ARHGAP33: variants seen among roughly 807,000 people sequenced by gnomAD.
The protein encoded by ARHGAP33 is Rho GTPase activating protein 33, also known as rho GTPase-activating protein 33.
In ARHGAP33, 57 loss-of-function variants were observed where a neutral mutation model predicts 126.2. That is an observed-to-expected ratio of 0.45 (90% CI 0.36 to 0.56). The LOEUF (loss-of-function observed/expected upper bound fraction) is 0.56. Ranked by LOEUF, ARHGAP33 falls within the 20% of genes least tolerant of loss-of-function variation. The probability of loss-of-function intolerance (pLI) is 0.00; values close to 1 mark genes in which losing one functional copy is unlikely to be tolerated. For synonymous variants in ARHGAP33, 711 were observed against 755.0 expected, an observed-to-expected ratio of 0.94 and a Z score of 0.95; for missense variants, 1,500 against 1,748.3, an observed-to-expected ratio of 0.86 and a Z score of 2.53.
Position 35,786,737 on chromosome 19 carries a change from C to T in ARHGAP33, c.2267C>T (p.Ala756Val), listed in dbSNP as rs1832766123. The stretch of plus-strand genomic sequence containing the variant: ...AGCAGCCCCACCCCAGGGGATCCCG[C>T]ACCTCCCGCCAGCCCAGCACCCCCC... ...RCSSPTPGDPAPPASPAPPAP... is the reference protein window; with the variant it reads ...RCSSPTPGDPVPPASPAPPAP... Residue 756 changes from alanine (A) to valine (V), a missense_variant, in exon 20 of 21, where the codon GCA becomes GTA. Around this residue, in one of 6 missense-constraint regions of ARHGAP33, gnomAD observed 73 missense variants for 110.8 expected, o/e 0.66. Coordinates refer to ENST00000007510, the MANE Select transcript of ARHGAP33 (RefSeq NM_001366178.1). This position sits in a 1 kb window ranked among gnomAD's most constrained non-coding sequence, Gnocchi z 7.0. The T allele has an allele frequency of 1.3e-6, 2 of 1,526,492 alleles. No homozygotes were observed. Among genetic ancestry groups the T allele is most frequent in the Non-Finnish European group, 1.8e-6 (2 of 1,141,814 alleles). The allele number at this position is 1,526,492 out of a possible 1,614,324, so 94.6% of individuals were successfully genotyped here. A position where few individuals can be genotyped will look rare whatever the true frequency, so the allele number is the denominator to read the frequency against.
Position 35,786,213 on chromosome 19 carries a change from T to C in ARHGAP33, c.1943-200T>C. 7.1e-7 allele frequency: 1 copy of C among 1,416,406 alleles called. No homozygotes were observed. The highest frequency in any genetic ancestry group is 9.2e-7 in the Non-Finnish European group (1 of 1,090,190). The allele number at this position is 1,416,406 out of a possible 1,614,324, so 87.7% of individuals were successfully genotyped here. The stretch of plus-strand genomic sequence containing the variant: ...ATCTGTTGGTCTCGTGCTCACAGCC[T>C]GTGGGGCAGCCACAGGGCCTTCGTG... On this transcript the variant is annotated intron_variant, in intron 19 of 20. Coordinates refer to ENST00000007510, the MANE Select transcript of ARHGAP33 (RefSeq NM_001366178.1). The surrounding 1 kb of genome is among the most constrained non-coding windows in gnomAD (Gnocchi z 7.0).
chr19:35,781,132 G>A lies in ARHGAP33; in HGVS notation c.983-18G>A, dbSNP rs202201819. The A allele has an allele frequency of 3.7e-5, 51 of 1,380,464 alleles. No individual in the cohort carries two copies. In the Admixed American group the frequency reaches 7.5e-4, roughly 20 times the overall value. 85.5% of individuals were successfully genotyped at this position (1,380,464 alleles called of 1,614,324 possible). A position where few individuals can be genotyped will look rare whatever the true frequency, so the allele number is the denominator to read the frequency against. ...CCAGGGCTGCGGCCCACCCAGCCCT[G>A]ACCTTGCTTTCTCCCAGTGCCCCAG... On this transcript the variant is annotated intron_variant, in intron 11 of 20. Coordinates refer to ENST00000007510, the MANE Select transcript of ARHGAP33 (RefSeq NM_001366178.1).
In ARHGAP33 at chr19:35,786,149, G is replaced by T; in HGVS notation, c.1943-264G>T. 1 of 1,353,808 alleles carries T rather than the reference G, an allele frequency of 7.4e-7. No individual in the cohort carries two copies. Among genetic ancestry groups the T allele is most frequent in the East Asian group, 2.8e-5 (1 of 35,566 alleles). 83.9% of individuals were successfully genotyped at this position (1,353,808 alleles called of 1,614,324 possible). On this transcript the variant is annotated intron_variant, in intron 19 of 20. Transcript: ENST00000007510. This position sits in a 1 kb window ranked among gnomAD's most constrained non-coding sequence, Gnocchi z 7.0. ...GTACTGCCCTCCCACATACCCAGGA[G>T]CCCAGGTGCTGTCCTGCTGGCTCAG...
rs974479764 is a variant in ARHGAP33, at chr19:35,785,503, G to A, written c.1942+20G>A. ...GGGCTGGTGAGCAAGGCGGGCAATTGGGGGGCGCTACCTGTGCCCATGTGG... is the reference window on the plus strand; with the variant it reads ...GGGCTGGTGAGCAAGGCGGGCAATTAGGGGGCGCTACCTGTGCCCATGTGG... On this transcript the variant is annotated intron_variant, in intron 19 of 20. Transcript: ENST00000007510. 1 of 1,613,450 alleles carries A rather than the reference G, an allele frequency of 6.2e-7. No individual in the cohort carries two copies. Among genetic ancestry groups the A allele is most frequent in the Non-Finnish European group, 8.5e-7 (1 of 1,179,524 alleles).
At position 35,788,139 on chromosome 19, in the gene ARHGAP33, C is replaced by T. The variant is rs1972223138; in HGVS notation, c.3574C>T (p.His1192Tyr). The stretch of plus-strand genomic sequence containing the variant: ...TTCCTCCTCCTCTTCCCCTCCTGCC[C>T]ACCCCCGAAGCCGTTCAGATCCCGG... ...ASSSSSSPPA[H>Y]PRSRSDPGPP... The change falls in exon 21 of 21, where the codon CAC becomes TAC. Residue 1192 changes from histidine to tyrosine, a missense_variant. Physicochemically the swap from His to Tyr is moderately conservative, Grantham distance 83. Around this residue, in one of 6 missense-constraint regions of ARHGAP33, gnomAD observed 642 missense variants for 634.0 expected, o/e 1.01. Transcript: ENST00000007510. The T allele has an allele frequency of 6.2e-7, 1 of 1,611,210 alleles. No individual in the cohort carries two copies. Among genetic ancestry groups the T allele is most frequent in the African/African-American group, 1.3e-5 (1 of 74,616 alleles).
chr19:35,784,045 G>A (rs975482868), intron 15 of ARHGAP33, 127 bp from the exon 16 acceptor site: 4 of 716,552 alleles, frequency 5.6e-6, no homozygotes, highest in East Asian at 3.1e-5. Flanking sequence ...CCAGCGAGGC[G>A]TGATCAGTTT....
At chr19:35,784,689 A>G in intron 16 of ARHGAP33, 1 of 1,134,842 alleles carries the variant, frequency 8.8e-7, no homozygotes, top group Non-Finnish European at 1.1e-6. Context: ...AGCACGTCGG[A>G]GGGCCCTCTG....
Position 35,787,696 on chromosome 19 carries a change from T to G in ARHGAP33, c.3131T>G (p.Phe1044Cys). 1 of 1,592,922 alleles carries G rather than the reference T, an allele frequency of 6.3e-7. No homozygotes were observed. Among genetic ancestry groups the G allele is most frequent in the African/African-American group, 1.4e-5 (1 of 73,326 alleles). ...SPAPRECLPP[F>C]LGVPKPGLYP... ...GCCCCCAGGGAGTGCCTGCCACCCTTCCTCGGGGTCCCCAAGCCAGGCTTG... is the reference window on the plus strand; with the variant it reads ...GCCCCCAGGGAGTGCCTGCCACCCTGCCTCGGGGTCCCCAAGCCAGGCTTG... Residue 1044 changes from phenylalanine (F) to cysteine (C), a missense_variant, in exon 21 of 21, where the codon TTC becomes TGC. Phe to Cys is a radical substitution (Grantham distance 205). Transcript: ENST00000007510.
intron 1 of ARHGAP33, 42 bp from the exon 2 acceptor site, chr19:35,777,603 T>C: frequency 6.7e-7 from 1 of 1,495,866 alleles, no homozygotes. Context: ...GTTGTCTCTT[T>C]GCTCCCATCT....
Position 35,782,536 on chromosome 19 carries a change from G to C in ARHGAP33, c.1230+19G>C, listed in dbSNP as rs927705987. Reference sequence around the variant, plus strand: ...GTTCAGTGTGAGTAAGGGAGCTGGCGGGACGGAGGGGGCCGGGACGCCTCT... The same window carrying C: ...GTTCAGTGTGAGTAAGGGAGCTGGCCGGACGGAGGGGGCCGGGACGCCTCT... On this transcript the variant is annotated intron_variant, in intron 13 of 20. Transcript: ENST00000007510. The surrounding 1 kb of genome is among the most constrained non-coding windows in gnomAD (Gnocchi z 4.1). 5.6e-6 allele frequency: 9 copies of C among 1,613,066 alleles called. No homozygotes were observed. The highest frequency in any genetic ancestry group is 7.6e-6 in the Non-Finnish European group (9 of 1,179,412).
intron 1 of ARHGAP33, among the ~76,000 whole-genome samples, chr19:35,776,721 G>A (rs1472973762): frequency 6.6e-6 from 1 of 152,234 alleles, no homozygotes; most frequent in Admixed American, 6.5e-5. Context: ...CTCCTTCTGG[G>A]AGGCCGGTCA....
At chr19:35,785,153 C>T in intron 17 of ARHGAP33, 36 bp from the exon 18 acceptor site, 2 of 1,578,040 alleles carry the variant, frequency 1.3e-6, no homozygotes, top group South Asian at 2.3e-5. Flanking sequence ...AGGCCTGGTT[C>T]CTCAGACGGC....
rs1409904597 is a variant in ARHGAP33 at position 35,780,765 on chromosome 19, G to A, written c.778G>A (p.Gly260Ser). The stretch of plus-strand genomic sequence containing the variant: ...CATTTTTCGCCTAGCAGATGCCGAT[G>A]GCCCCCCATGTGGCATCCCGGCTCC... ...PGPGLKADADGPPCGIPAPQG... is the reference protein window; with the variant it reads ...PGPGLKADADSPPCGIPAPQG... Residue 260 changes from glycine (G) to serine (S), a missense_variant, in exon 10 of 21, where the codon GGC becomes AGC. Transcript: ENST00000007510. 1.2e-6 allele frequency: 2 copies of A among 1,613,844 alleles called. No individual in the cohort carries two copies. The highest frequency in any genetic ancestry group is 1.7e-5 in the Admixed American group (1 of 60,014).
intron 11 of ARHGAP33, 29 bp downstream of exon 11, chr19:35,781,101 G>A (rs750373026): frequency 8.8e-5 from 38 of 433,338 alleles, no homozygotes; most frequent in African/African-American, 4.6e-4. Context: ...CACCCCACCC[G>A]TCACACCAGG....
chr19:35,775,814 G>C (rs1237228993), intron 1 of ARHGAP33, 150 bp downstream of exon 1: 4 of 749,730 alleles, frequency 5.3e-6, no homozygotes, highest in Non-Finnish European at 7.9e-6. Context: ...CCCATCCCGG[G>C]TCCCAGCCCG....
Position 35,780,470 on chromosome 19 carries a change from G to A in ARHGAP33, c.674G>A (p.Ser225Asn). The A allele has an allele frequency of 1.2e-6, 2 of 1,604,228 alleles. No individual in the cohort carries two copies. Among genetic ancestry groups the A allele is most frequent in the Non-Finnish European group, 1.7e-6 (2 of 1,173,500 alleles). Residue 225 changes from serine (S) to asparagine (N), a missense_variant, in exon 8 of 21, where the codon AGC becomes AAC. Around this residue, in one of 6 missense-constraint regions of ARHGAP33, gnomAD observed 281 missense variants for 413.7 expected, o/e 0.68. Transcript: ENST00000007510. ...VIDMPPTEDR[S>N]WWRGKRGFQV... is the part of the protein sequence containing the mutation. ...GACATGCCACCCACAGAGGATCGGA[G>A]CTGGTGGCGGGGCAAGCGAGGCTTC...
rs766349583 is a variant in ARHGAP33, at chr19:35,780,904, C to T, written c.830-16C>T. On this transcript the variant is annotated splice_polypyrimidine_tract_variant and intron_variant, in intron 10 of 20. Transcript: ENST00000007510. ...CCACAAGACCTGCCTTTGCCCTTTG[C>T]CCCTTGCCCCCACAGCTGTGCCACG... 3.7e-6 allele frequency: 6 copies of T among 1,610,312 alleles called. No homozygotes were observed. Among genetic ancestry groups the T allele is most frequent in the Non-Finnish European group, 5.1e-6 (6 of 1,179,988 alleles).
Position 35,786,735 on chromosome 19 carries a change from C to T in ARHGAP33, c.2265C>T (p.Pro755=), listed in dbSNP as rs114957589. The change falls in exon 20 of 21, where the codon CCC becomes CCT. Residue 755 remains proline, a synonymous_variant. Transcript: ENST00000007510. This position sits in a 1 kb window ranked among gnomAD's most constrained non-coding sequence, Gnocchi z 7.0. ...FRCSSPTPGD[P]APPASPAPPA... is the part of the protein sequence containing the mutation. ...GCAGCAGCCCCACCCCAGGGGATCC[C>T]GCACCTCCCGCCAGCCCAGCACCCC... 11,681 of 1,527,568 alleles carry T rather than the reference C, an allele frequency of 7.6e-3. 579 individuals carry two copies. The African/African-American group carries it at 0.12, about 15-fold the overall frequency. The allele number at this position is 1,527,568 out of a possible 1,614,324, so 94.6% of individuals were successfully genotyped here.
chr19:35,785,910 G>T (rs113641609), intron 19 of ARHGAP33: 1 of 1,073,760 alleles, frequency 9.3e-7, no homozygotes, highest in African/African-American at 1.7e-5. Context: ...ATACTGCTCA[G>T]TTCTAGCCAT....
Sources: allele counts gnomAD v4.1 joint callset (sites outside exome capture counted in the v4.1 genomes callset), GRCh38; gene constraint gnomAD v4.1.1; regional missense constraint gnomAD v4.1.1; non-coding constraint Gnocchi (gnomAD v3.1); transcripts MANE v1.5; gene names NCBI Gene and HGNC (gene_info 2026-07-23, HGNC 2026-07-21).